The following IQCJ variants were observed in gnomAD, a reference collection of about 807,000 sequenced individuals.
IQCJ encodes IQ domain-containing protein J.
Under a neutral mutation model 11.0 loss-of-function variants are expected in IQCJ, and 9 were observed. That is an observed-to-expected ratio of 0.82 (90% CI 0.49 to 1.43). IQCJ has a LOEUF of 1.43. IQCJ is among the 40% of genes most tolerant of loss of function. The probability of loss-of-function intolerance (pLI) is 0.00; values close to 1 mark genes in which losing one functional copy is unlikely to be tolerated. For synonymous variants in IQCJ, 55 were observed against 51.3 expected (o/e 1.07, Z -0.31); for missense variants, 146 against 133.2 (o/e 1.10, Z -0.47).
At chr3:159,080,647 A>G (rs1716247840) in intron 1 of IQCJ, among the ~76,000 whole-genome samples, 1 of 152,144 alleles carries the variant, frequency 6.6e-6, no homozygotes, top group Non-Finnish European at 1.5e-5. Context: ...TTATTATTAC[A>G]TTATTGGATT....
At chr3:159,265,567 G>T, downstream of IQCJ, 1 of 547,936 alleles carries the variant, frequency 1.8e-6, no homozygotes, top group South Asian at 3.5e-5. Flanking sequence ...GTGTCCCTGG[G>T]GAGTTCTTTA....
intron 1 of IQCJ, among the ~76,000 whole-genome samples, chr3:159,199,381 C>T (rs752776469): frequency 1.3e-5 from 2 of 152,166 alleles, no homozygotes; most frequent in Admixed American, 6.5e-5. Context: ...GGAATGTAGG[C>T]AGCCACTATG....
At chr3:159,264,166 C>G (rs1728373764), downstream of IQCJ, among the ~76,000 whole-genome samples, 1 of 152,154 alleles carries the variant, frequency 6.6e-6, no homozygotes, top group Non-Finnish European at 1.5e-5. Flanking sequence ...TCTCACAGCC[C>G]CAATTCACGA....
downstream of IQCJ, chr3:159,266,014 G>T (rs1016558409): frequency 6.6e-6 from 1 of 152,160 alleles, no homozygotes; most frequent in East Asian, 1.9e-4. Flanking sequence ...CAAAAGTAAC[G>T]TTTAAGTATG....
intron 1 of IQCJ, among the ~76,000 whole-genome samples, chr3:159,196,333 G>C (rs1283349329): frequency 2.6e-5 from 4 of 152,156 alleles, no homozygotes; most frequent in Non-Finnish European, 5.9e-5. Context: ...AATGGATGGA[G>C]CCCATTTTAA....
intron 1 of IQCJ, among the ~76,000 whole-genome samples, chr3:159,104,009 T>C (rs1718091479): frequency 6.6e-6 from 1 of 152,268 alleles, no homozygotes. Context: ...ATCCAGTCTC[T>C]GTGCTTCTTG....
At chr3:159,207,596 G>A (rs1724724042) in intron 1 of IQCJ, among the ~76,000 whole-genome samples, 2 of 152,154 alleles carry the variant, frequency 1.3e-5, no homozygotes, top group South Asian at 2.1e-4. Flanking sequence ...CTGGTGTCGT[G>A]GGGGTAAGCA....
At chr3:159,246,023 G>A in intron 2 of IQCJ, 116 bp downstream of exon 2, 1 of 764,542 alleles carries the variant, frequency 1.3e-6, no homozygotes, top group South Asian at 1.8e-5. Context: ...TTATCATTGT[G>A]GTCAGAGCCC....
chr3:159,147,387 A>G (rs968542918), intron 1 of IQCJ, among the ~76,000 whole-genome samples: 5 of 152,238 alleles, frequency 3.3e-5, no homozygotes, highest in African/African-American at 1.2e-4. Flanking sequence ...CCTCTTCCTC[A>G]TAACTTCTAT....
At chr3:159,145,713 ATACT>A (rs1389419616) in intron 1 of IQCJ, among the ~76,000 whole-genome samples, 4 of 152,192 alleles carry the variant, frequency 2.6e-5, no homozygotes, top group African/African-American at 7.2e-5. Context: ...CATTCAAAAA[ATACT>A]TACTGATCCT....
At position 159,183,452 on chromosome 3, in the gene IQCJ, C is replaced by T. The variant is rs1225956099; in HGVS notation, c.10-62391C>T. 3.3e-5 allele frequency among the ~76,000 whole-genome samples: 5 copies of T among 152,068 alleles called. No homozygotes were observed. In the East Asian group the frequency reaches 7.7e-4, roughly 24 times the overall value. On this transcript the variant is annotated intron_variant, in intron 1 of 3. Transcript: ENST00000397832. ...TTATGCTCCTTTCTGTCTATGTGAT[C>T]TTATTTCAGGCCCAAATTTTAAATT...
intron 1 of IQCJ, among the ~76,000 whole-genome samples, chr3:159,192,316 G>A (rs1460982107): frequency 1.3e-5 from 2 of 152,050 alleles, no homozygotes; most frequent in East Asian, 1.9e-4. Flanking sequence ...GGGGTGGAGG[G>A]CAGTTTTTCT....
intron 1 of IQCJ, among the ~76,000 whole-genome samples, chr3:159,107,790 T>TGG (rs896975277): frequency 6.6e-6 from 1 of 151,846 alleles, no homozygotes; most frequent in Non-Finnish European, 1.5e-5. Flanking sequence ...ATCTAGTAAG[T>TGG]GGGGGACATG....
chr3:159,233,793 C>T (rs1433954728), intron 1 of IQCJ, among the ~76,000 whole-genome samples: 4 of 152,100 alleles, frequency 2.6e-5, no homozygotes, highest in Non-Finnish European at 5.9e-5. Context: ...GGATGACCAG[C>T]ACTTTAGAGT....
At position 159,214,245 on chromosome 3, in the gene IQCJ, C is replaced by T. The variant is rs111686804; in HGVS notation, c.10-31598C>T. 5.7e-4 allele frequency among the ~76,000 whole-genome samples: 87 copies of T among 152,256 alleles called. 1 individual carries two copies. The South Asian group carries it at 0.01, about 18-fold the overall frequency. ...TTATAAATGACACCATTATTCTCTCCGTTAATGGAGTAAAGAAGTTGAGAA... is the reference window on the plus strand; with the variant it reads ...TTATAAATGACACCATTATTCTCTCTGTTAATGGAGTAAAGAAGTTGAGAA... On this transcript the variant is annotated intron_variant, in intron 1 of 3. Transcript: ENST00000397832.
chr3:159,240,000 A>T (rs1293928632), intron 1 of IQCJ, among the ~76,000 whole-genome samples: 1 of 152,172 alleles, frequency 6.6e-6, no homozygotes, highest in Non-Finnish European at 1.5e-5. Context: ...TATCCTTGTT[A>T]TTAAGCAACA....
chr3:159,198,696 G>A (rs1263271328), intron 1 of IQCJ, among the ~76,000 whole-genome samples: 1 of 152,124 alleles, frequency 6.6e-6, no homozygotes, highest in African/African-American at 2.4e-5. Context: ...GCTTCTTTTT[G>A]CTGTATTAGA....
At chr3:159,144,745 G>A (rs937726729) in intron 1 of IQCJ, among the ~76,000 whole-genome samples, 2 of 151,914 alleles carry the variant, frequency 1.3e-5, no homozygotes, top group East Asian at 3.9e-4. Flanking sequence ...TAAGATCTTG[G>A]TATCTTATTT....
At chr3:159,127,736 C>G (rs983610378) in intron 1 of IQCJ, among the ~76,000 whole-genome samples, 1 of 152,108 alleles carries the variant, frequency 6.6e-6, no homozygotes. Context: ...ATAGCGTGAA[C>G]TATTATTATC....
Sources: gnomAD v4.1 joint callset for allele counts (sites outside exome capture counted in the v4.1 genomes callset) on GRCh38, gnomAD v4.1.1 for gene constraint, MANE v1.5 for transcripts, NCBI Gene and HGNC (gene_info 2026-07-23, HGNC 2026-07-21) for gene names.